Variants in TMEM209 observed in about 807,000 individuals in gnomAD.
TMEM209 encodes testicular tissue protein Li 202.
Under a neutral mutation model 76.2 loss-of-function variants are expected in TMEM209, and 65 were observed. That is an observed-to-expected ratio of 0.85 (90% CI 0.70 to 1.05). The LOEUF is 1.05. Among genes scored for constraint, TMEM209 ranks in the 50% least tolerant of loss-of-function variants. TMEM209 has a pLI of 0.00. For synonymous variants in TMEM209, 239 were observed against 237.6 expected, an observed-to-expected ratio of 1.01 and a Z score of -0.06; for missense variants, 623 against 685.5, an observed-to-expected ratio of 0.91 and a Z score of 1.02.
At chr7:130,184,335 A>G (rs1013331380) in intron 7 of TMEM209, 80 bp from the exon 8 acceptor site, 7 of 1,071,702 alleles carry the variant, frequency 6.5e-6, no homozygotes, top group Non-Finnish European at 9.3e-6. Context: ...CCCATCCTAA[A>G]AAATATTTAA....
chr7:130,192,841 T>C lies in TMEM209; in HGVS notation c.574-18A>G. On this transcript the variant is annotated intron_variant, in intron 5 of 14. Coordinates refer to ENST00000397622, the MANE Select transcript of TMEM209 (RefSeq NM_032842.4). ...CTCGCCAACTATACAAAATAAAAGA[T>C]CTTTACTTTATTTTTCTTTAATTGA... 3 of 1,602,972 alleles carry C rather than the reference T, an allele frequency of 1.9e-6. No individual in the cohort carries two copies. The highest frequency in any genetic ancestry group is 1.7e-6 in the Non-Finnish European group (2 of 1,172,750).
intron 5 of TMEM209, among the ~76,000 whole-genome samples, chr7:130,197,903 C>T (rs1248661697): frequency 2.6e-5 from 4 of 152,300 alleles, no homozygotes; most frequent in Non-Finnish European, 5.9e-5. Context: ...TTAACATTTG[C>T]TTTTATCATT....
At chr7:130,167,637 A>G (rs1405608142) in intron 14 of TMEM209, among the ~76,000 whole-genome samples, 1 of 152,168 alleles carries the variant, frequency 6.6e-6, no homozygotes, top group Non-Finnish European at 1.5e-5. Context: ...TAAACTTTAC[A>G]GTGTCTTTTC....
At position 130,166,172 on chromosome 7, in the gene TMEM209, T is replaced by C. The variant is rs1415505905; in HGVS notation, c.*279A>G. On this transcript the variant is annotated 3_prime_UTR_variant, in exon 15 of 15. Coordinates refer to ENST00000397622, the MANE Select transcript of TMEM209 (RefSeq NM_032842.4). Reference sequence around the variant, plus strand: ...TCTATTTCATTAAGGGGAATGGCACTATTTTGAGTCAATAAAAATCCGAAG... The same window carrying C: ...TCTATTTCATTAAGGGGAATGGCACCATTTTGAGTCAATAAAAATCCGAAG... 1.9e-5 allele frequency: 5 copies of C among 266,272 alleles called. No individual in the cohort carries two copies. The highest frequency in any genetic ancestry group is 1.1e-4 in the African/African-American group (5 of 45,554). 16.5% of individuals were successfully genotyped at this position (266,272 alleles called of 1,614,324 possible).
chr7:130,178,374 A>C (rs1419546833), intron 10 of TMEM209, 28 bp downstream of exon 10: 2 of 1,557,648 alleles, frequency 1.3e-6, no homozygotes, highest in Non-Finnish European at 8.7e-7. Flanking sequence ...AAAAGCTCTT[A>C]TTTTTTTCTC....
chr7:130,173,931 C>G lies in TMEM209; in HGVS notation c.1353G>C (p.Met451Ile), dbSNP rs1470126023. Residue 451 changes from methionine to isoleucine, a missense_variant, in exon 12 of 15, where the codon ATG (methionine) becomes ATC (isoleucine). Met to Ile is a conservative substitution (Grantham distance 10, BLOSUM62 1). Coordinates refer to ENST00000397622, the MANE Select transcript of TMEM209 (RefSeq NM_032842.4). ...AATCAAGGTAGGTGCAAAATACATG[C>G]ATGATGATCTGAGGATGAAGAAATA... ...TDLPTDSAII[M>I]HVFCTYLDSR... 6.2e-7 allele frequency: 1 copy of G among 1,603,730 alleles called. No homozygotes were observed. The highest frequency in any genetic ancestry group is 8.5e-7 in the Non-Finnish European group (1 of 1,170,748).
intron 9 of TMEM209, among the ~76,000 whole-genome samples, chr7:130,180,249 C>T (rs1394663794): frequency 6.6e-6 from 1 of 152,068 alleles, no homozygotes; most frequent in African/African-American, 2.4e-5. Context: ...CTTTATACAA[C>T]TTTGTGATTA....
At chr7:130,181,792 C>A in intron 8 of TMEM209, 73 bp from the exon 9 acceptor site, 2 of 1,260,610 alleles carry the variant, frequency 1.6e-6, no homozygotes, top group Non-Finnish European at 2.2e-6. Context: ...TTCTTTTTTA[C>A]AAGCAACTCT....
At chr7:130,172,877 T>C in intron 13 of TMEM209, among the ~76,000 whole-genome samples, 1 of 150,434 alleles carries the variant, frequency 6.6e-6, no homozygotes, top group East Asian at 2.0e-4. Flanking sequence ...CGGGTGCCTG[T>C]AATCCCAGCT....
chr7:130,180,808 A>G (rs1047778400), intron 9 of TMEM209, among the ~76,000 whole-genome samples: 1 of 152,370 alleles, frequency 6.6e-6, no homozygotes, highest in African/African-American at 2.4e-5. Context: ...TATAAAACAT[A>G]TGACAAGTGT....
At chr7:130,167,428 G>A (rs1338113770) in intron 14 of TMEM209, among the ~76,000 whole-genome samples, 1 of 152,060 alleles carries the variant, frequency 6.6e-6, no homozygotes, top group Admixed American at 6.5e-5. Context: ...GTTTGTACAT[G>A]AGTCTAAGCA....
At chr7:130,193,642 G>T (rs1485978376) in intron 5 of TMEM209, among the ~76,000 whole-genome samples, 1 of 152,046 alleles carries the variant, frequency 6.6e-6, no homozygotes, top group Non-Finnish European at 1.5e-5. Context: ...AGCTACACGG[G>T]TATGATTCTA....
At chr7:130,204,938 A>G in intron 1 of TMEM209, 1 of 1,070,696 alleles carries the variant, frequency 9.3e-7, no homozygotes, top group Non-Finnish European at 1.1e-6. Flanking sequence ...GATAAAGGAC[A>G]AGGATCCAAG....
intron 1 of TMEM209, among the ~76,000 whole-genome samples, chr7:130,204,763 CA>C (rs1798372372): frequency 6.6e-6 from 1 of 152,184 alleles, no homozygotes; most frequent in Admixed American, 6.5e-5. Flanking sequence ...ACGGACTAGG[CA>C]AAAGGCTAAC....
chr7:130,192,564 T>G, intron 6 of TMEM209, 58 bp downstream of exon 6: 1 of 1,398,512 alleles, frequency 7.2e-7, no homozygotes, highest in Non-Finnish European at 1.0e-6. Context: ...ATGAAAATAG[T>G]AGGTTAAGGA....
chr7:130,167,742 A>C (rs1160574913), intron 14 of TMEM209, among the ~76,000 whole-genome samples: 1 of 152,172 alleles, frequency 6.6e-6, no homozygotes, highest in African/African-American at 2.4e-5. Flanking sequence ...GTTACTGCAC[A>C]AATACCTGAC....
At chr7:130,200,952 G>A (rs1284989951) in intron 5 of TMEM209, among the ~76,000 whole-genome samples, 5 of 151,950 alleles carry the variant, frequency 3.3e-5, no homozygotes, top group East Asian at 1.9e-4. Context: ...AGCCGGGCAC[G>A]GTGGTGGACG....
chr7:130,191,081 T>C (rs554990098), intron 6 of TMEM209, among the ~76,000 whole-genome samples: 50 of 152,034 alleles, frequency 3.3e-4, no homozygotes, highest in Non-Finnish European at 6.2e-4. Flanking sequence ...TTGCACAAAA[T>C]ACTTAATTTT....
At position 130,173,668 on chromosome 7, in the gene TMEM209, C is replaced by T. The variant is rs1165050272; in HGVS notation, c.1521G>A (p.Glu507=). The change falls in exon 13 of 15, where the codon GAG becomes GAA. Residue 507 remains glutamate, a synonymous_variant. Transcript: ENST00000397622. The stretch of plus-strand genomic sequence containing the variant: ...TGTATACATGACGCTGGTAGATGAG[C>T]TCATAATGGGGAGGGTTGATAGCAC... ...YQSAINPPHY[E]LIYQRHVYNL... is the part of the protein sequence containing the mutation. 16 of 1,613,574 alleles carry T rather than the reference C, an allele frequency of 9.9e-6. No individual in the cohort carries two copies. The highest frequency in any genetic ancestry group is 4.4e-5 in the South Asian group (4 of 91,044).
Sources: gnomAD v4.1 joint callset for allele counts (sites outside exome capture counted in the v4.1 genomes callset) on GRCh38, gnomAD v4.1.1 for gene constraint, MANE v1.5 for transcripts, NCBI Gene and HGNC (gene_info 2026-07-23, HGNC 2026-07-21) for gene names.